NCAPD3: variants seen among roughly 807,000 people sequenced by gnomAD.
NCAPD3 encodes the protein non-SMC condensin II complex subunit D3.
In NCAPD3, 105 loss-of-function variants were observed where a neutral mutation model predicts 182.9. That is an observed-to-expected ratio of 0.57 (90% CI 0.49 to 0.68). The LOEUF (loss-of-function observed/expected upper bound fraction) is 0.68, where lower values mean the gene tolerates loss of function less well. Among genes scored for constraint, NCAPD3 ranks in the 30% least tolerant of loss-of-function variants. NCAPD3 has a pLI of 0.00. For synonymous variants in NCAPD3, 815 were observed against 679.9 expected, an observed-to-expected ratio of 1.20 and a Z score of -3.09; for missense variants, 1,944 against 1,837.0, an observed-to-expected ratio of 1.06 and a Z score of -1.07.
chr11:134,161,351 G>A (rs609631), intron 28 of NCAPD3, among the ~76,000 whole-genome samples: 8 of 151,968 alleles, frequency 5.3e-5, no homozygotes, highest in Non-Finnish European at 8.8e-5. Context: ...TGGCAGCTCC[G>A]AAGGCAGCTC....
At chr11:134,194,546 T>C (rs1944586805) in intron 14 of NCAPD3, 119 bp downstream of exon 14, 1 of 624,450 alleles carries the variant, frequency 1.6e-6, no homozygotes, top group Non-Finnish European at 2.7e-6. Context: ...CAGGGTCAAC[T>C]AACAGTTAGG....
chr11:134,175,671 A>G (rs1283760691), intron 24 of NCAPD3, among the ~76,000 whole-genome samples: 1 of 152,224 alleles, frequency 6.6e-6, no homozygotes, highest in Non-Finnish European at 1.5e-5. Context: ...ACTTGCTTGA[A>G]AAAGAATTAC....
chr11:134,185,373 G>C lies in NCAPD3; in HGVS notation c.2199C>G (p.Asp733Glu). 1 of 1,613,294 alleles carries C rather than the reference G, an allele frequency of 6.2e-7. No homozygotes were observed. Among genetic ancestry groups the C allele is most frequent in the African/African-American group, 1.3e-5 (1 of 74,988 alleles). The change falls in exon 17 of 35, where the codon GAC (aspartate) becomes GAG (glutamate). Residue 733 changes from aspartate to glutamate, a missense_variant. Asp to Glu is a conservative substitution (Grantham distance 45). Transcript: ENST00000534548. ...CCCAAGATTGTATTATTCTGCTGTA[G>C]TCCAGCCTGGGTGAGGAGCCAGCAA... ...SKIAGSSPRL[D>E]YSRIIQSWEK...
At chr11:134,205,980 C>T (rs1466091269) in intron 8 of NCAPD3, among the ~76,000 whole-genome samples, 1 of 152,150 alleles carries the variant, frequency 6.6e-6, no homozygotes, top group Non-Finnish European at 1.5e-5. Context: ...CACCTCCACA[C>T]TGCACGCCAA....
In NCAPD3 at chr11:134,150,115, C is replaced by T. The variant is rs1445971394; in HGVS notation, c.*2829G>A. The T allele has an allele frequency of 2.6e-5, 4 of 154,738 alleles. No individual in the cohort carries two copies. Among genetic ancestry groups the T allele is most frequent in the East Asian group, 1.9e-4 (1 of 5,270 alleles). 9.6% of individuals were successfully genotyped at this position (154,738 alleles called of 1,614,324 possible). On this transcript the variant is annotated 3_prime_UTR_variant, in exon 35 of 35. Transcript: ENST00000534548. ...TTAAGAGTATTTTACCCAAGGAATC[C>T]TCTCATGGAAGTTTACTGTGATGTT...
At chr11:134,168,700 G>T in intron 25 of NCAPD3, 98 bp from the exon 26 acceptor site, 1 of 1,521,756 alleles carries the variant, frequency 6.6e-7, no homozygotes, top group South Asian at 1.2e-5. Context: ...GCATGCCAAA[G>T]ACTCCAGTGC....
intron 31 of NCAPD3, 61 bp from the exon 32 acceptor site, chr11:134,157,156 A>C (rs924797569): frequency 1.3e-4 from 177 of 1,355,364 alleles, no homozygotes; most frequent in Admixed American, 3.3e-4. Context: ...AGAGCAAAAC[A>C]ACCACATGAG....
intron 16 of NCAPD3, chr11:134,186,051 G>T (rs1944399493): frequency 6.6e-6 from 1 of 151,788 alleles, no homozygotes; most frequent in East Asian, 1.9e-4. Context: ...GGGACTACAT[G>T]GCAGGATTGT....
intron 12 of NCAPD3, 52 bp from the exon 13 acceptor site, chr11:134,202,957 T>C: frequency 7.0e-7 from 1 of 1,423,466 alleles, no homozygotes; most frequent in Non-Finnish European, 9.7e-7. Context: ...ATACTTTTAA[T>C]AACATTAGCA....
In NCAPD3 at chr11:134,223,918, C is replaced by T. The variant is rs771146558; in HGVS notation, c.9G>A (p.Ala3=). 8.1e-5 allele frequency: 131 copies of T among 1,612,500 alleles called. 1 individual carries two copies. Among genetic ancestry groups the T allele is most frequent in the Middle Eastern group, 6.6e-4 (4 of 6,078 alleles). MV[A]LRGLGSGLQP... is the part of the protein sequence containing the mutation. ...GCAGGCCGCTACCAAGGCCCCGCAA[C>T]GCCACCATGATCCCAGGGCACCGGC... The change falls in exon 1 of 35, where the codon GCG becomes GCA. Residue 3 remains alanine, a synonymous_variant. Coordinates refer to ENST00000534548, the MANE Select transcript of NCAPD3 (RefSeq NM_015261.3).
rs559798557 is a variant in NCAPD3 at position 134,192,690 on chromosome 11, T to G, written c.2044A>C (p.Ser682Arg). The G allele has an allele frequency of 1.7e-5, 28 of 1,612,852 alleles. No individual in the cohort carries two copies. The East Asian group carries it at 6.2e-4, about 36-fold the overall frequency. ...ACACAGGTCATACAGTTAACCTACC[T>G]CAGTTCCTGGCTTTCGGTGGTGAGG... ...TLLTTESQEL[S>R]RYLNKAFHIW... is the part of the protein sequence containing the mutation. The change falls in exon 16 of 35, where the codon AGC becomes CGC. Residue 682 changes from serine (S) to arginine (R), a missense_variant and splice_region_variant. By Grantham distance (110) the Ser-to-Arg change is moderately radical. Coordinates refer to ENST00000534548, the MANE Select transcript of NCAPD3 (RefSeq NM_015261.3).
intron 19 of NCAPD3, among the ~76,000 whole-genome samples, 153 bp from the exon 20 acceptor site, chr11:134,181,337 C>A (rs1183854891): frequency 6.6e-6 from 1 of 152,164 alleles, no homozygotes; most frequent in Non-Finnish European, 1.5e-5. Flanking sequence ...TGTCCAAAAC[C>A]ACAATGACAT....
chr11:134,203,962 C>A, intron 10 of NCAPD3, 56 bp from the exon 11 acceptor site: 1 of 1,599,406 alleles, frequency 6.3e-7, no homozygotes, highest in Non-Finnish European at 8.5e-7. Context: ...ACCAAAGAAC[C>A]CTCCTCATTC....
intron 18 of NCAPD3, 22 bp downstream of exon 18, chr11:134,184,881 A>C (rs1412339750): frequency 1.9e-6 from 3 of 1,576,820 alleles, no homozygotes; most frequent in Admixed American, 1.7e-5. Flanking sequence ...TTTTCACATA[A>C]GATTCTCCAG....
intron 24 of NCAPD3, among the ~76,000 whole-genome samples, chr11:134,174,321 T>C (rs774793361): frequency 7.6e-5 from 10 of 131,516 alleles, no homozygotes; most frequent in Non-Finnish European, 1.1e-4. Context: ...AGGTCGAGGC[T>C]GCAGGGAGCC....
intron 27 of NCAPD3, among the ~76,000 whole-genome samples, chr11:134,163,934 G>C (rs1042584908): frequency 6.6e-6 from 1 of 151,374 alleles, no homozygotes; most frequent in Non-Finnish European, 1.5e-5. Flanking sequence ...GGTGGTACAT[G>C]GCCTGTGACA....
At chr11:134,181,399 C>T (rs141350493) in intron 19 of NCAPD3, among the ~76,000 whole-genome samples, 3 of 152,242 alleles carry the variant, frequency 2.0e-5, no homozygotes, top group East Asian at 1.9e-4. Context: ...TTATAAAGAA[C>T]GGTGTATATA....
At chr11:134,211,499 G>GA (rs1256335069) in intron 3 of NCAPD3, among the ~76,000 whole-genome samples, 4 of 151,434 alleles carry the variant, frequency 2.6e-5, no homozygotes, top group East Asian at 1.9e-4. Flanking sequence ...AATACAGGGG[G>GA]AAAAAAAACA....
At chr11:134,222,575 A>G (rs1292221812) in intron 1 of NCAPD3, among the ~76,000 whole-genome samples, 1 of 152,256 alleles carries the variant, frequency 6.6e-6, no homozygotes. Flanking sequence ...TAGCCACATA[A>G]AAAACAGTCA....
Sources: allele counts gnomAD v4.1 joint callset (sites outside exome capture counted in the v4.1 genomes callset), GRCh38; gene constraint gnomAD v4.1.1; transcripts MANE v1.5; gene names NCBI Gene and HGNC (gene_info 2026-07-23, HGNC 2026-07-21).